The following ZDHHC3 variants were observed in gnomAD, a reference collection of about 807,000 sequenced individuals.
ZDHHC3 encodes palmitoyltransferase ZDHHC3.
A neutral mutation model predicts 30.6 loss-of-function variants in ZDHHC3; 9 were observed. The ratio of observed to expected loss-of-function variants is 0.29; its 90% CI spans 0.18 to 0.51. The LOEUF (loss-of-function observed/expected upper bound fraction) is 0.51. Among genes scored for constraint, ZDHHC3 ranks in the 20% least tolerant of loss-of-function variants. ZDHHC3 has a pLI of 0.97. For missense variants in ZDHHC3, 246 were observed against 384.2 expected (o/e 0.64, Z 3.01); for synonymous variants, 136 against 140.2 (o/e 0.97, Z 0.21).
intron 2 of ZDHHC3, among the ~76,000 whole-genome samples, chr3:44,956,284 C>T (rs963055881): frequency 1.3e-5 from 2 of 152,210 alleles, no homozygotes; most frequent in African/African-American, 2.4e-5. Context: ...AACCCTGATC[C>T]TCCATCAGCT....
chr3:44,974,119 G>A (rs1202730601), intron 1 of ZDHHC3, among the ~76,000 whole-genome samples: 2 of 152,172 alleles, frequency 1.3e-5, no homozygotes, highest in African/African-American at 4.8e-5. Flanking sequence ...GACTGTCATT[G>A]TTTTAGTAGA....
intron 2 of ZDHHC3, among the ~76,000 whole-genome samples, chr3:44,957,760 A>G (rs972527141): frequency 6.6e-6 from 1 of 152,186 alleles, no homozygotes; most frequent in Non-Finnish European, 1.5e-5. Flanking sequence ...GTTCTCCCAC[A>G]GCAATCCACA....
In ZDHHC3 at chr3:44,921,270, C is replaced by A. The variant is rs928735892; in HGVS notation, c.*5419G>T. 1.0e-6 allele frequency: 1 copy of A among 985,286 alleles called. No individual in the cohort carries two copies. The highest frequency in any genetic ancestry group is 1.2e-6 in the Non-Finnish European group (1 of 829,938). 61.0% of individuals were successfully genotyped at this position (985,286 alleles called of 1,614,324 possible). ...GCAGAACAGACTCAGCTGAGCCCCA[C>A]AGAACGAGAACAGGCTGTTCCCTGC... On this transcript the variant is annotated 3_prime_UTR_variant, in exon 7 of 7. Coordinates refer to ENST00000424952, the MANE Select transcript of ZDHHC3 (RefSeq NM_001135179.2).
intron 2 of ZDHHC3, among the ~76,000 whole-genome samples, chr3:44,955,429 T>A (rs1312207189): frequency 6.7e-6 from 1 of 149,300 alleles, no homozygotes; most frequent in Non-Finnish European, 1.5e-5. Context: ...AGTGGTAAAG[T>A]AACTGCTTGA....
chr3:44,915,324 G>A lies in ZDHHC3; in HGVS notation c.*11365C>T, dbSNP rs986374044. 4 of 152,220 alleles carry A rather than the reference G, an allele frequency of 2.6e-5. No homozygotes were observed. The highest frequency in any genetic ancestry group is 6.5e-5 in the Admixed American group (1 of 15,278). 9.4% of individuals were successfully genotyped at this position (152,220 alleles called of 1,614,324 possible). On this transcript the variant is annotated 3_prime_UTR_variant, in exon 7 of 7. Coordinates refer to ENST00000424952, the MANE Select transcript of ZDHHC3 (RefSeq NM_001135179.2). ...CAAATTGCACCCAATCTCTCTCCCT[G>A]TAAGATCTCATCTGGTTTTGACATC...
At chr3:44,948,973 C>G (rs560949898) in intron 2 of ZDHHC3, among the ~76,000 whole-genome samples, 8 of 152,352 alleles carry the variant, frequency 5.3e-5, no homozygotes, top group African/African-American at 1.9e-4. Flanking sequence ...ATGAGAAAGT[C>G]TGAAGGAACA....
At chr3:44,958,976 G>T in intron 2 of ZDHHC3, 155 bp downstream of exon 2, 1 of 939,426 alleles carries the variant, frequency 1.1e-6, no homozygotes, top group Non-Finnish European at 1.6e-6. Context: ...GAATTCCACA[G>T]AACTCTGAAC....
In ZDHHC3 at chr3:44,959,500, C is replaced by T; in HGVS notation, c.-24-40G>A. 3 of 1,555,596 alleles carry T rather than the reference C, an allele frequency of 1.9e-6. No homozygotes were observed. Among genetic ancestry groups the T allele is most frequent in the Non-Finnish European group, 2.6e-6 (3 of 1,147,024 alleles). ...AAAGAATCCAGAAACTTGGTGTTGTCTTGTCATCAAGGAGGTTTGACAAAA... is the reference window on the plus strand; with the variant it reads ...AAAGAATCCAGAAACTTGGTGTTGTTTTGTCATCAAGGAGGTTTGACAAAA... On this transcript the variant is annotated intron_variant, in intron 1 of 6. Coordinates refer to ENST00000424952, the MANE Select transcript of ZDHHC3 (RefSeq NM_001135179.2). This position sits in a 1 kb window ranked among gnomAD's most constrained non-coding sequence, Gnocchi z 4.3.
rs759979790 is a variant in ZDHHC3, at chr3:44,919,277, T to C, written c.*7412A>G. The C allele has an allele frequency of 8.0e-5, 18 of 226,310 alleles. No homozygotes were observed. Among genetic ancestry groups the C allele is most frequent in the Non-Finnish European group, 1.3e-4 (18 of 136,454 alleles). The allele number at this position is 226,310 out of a possible 1,614,324, so 14.0% of individuals were successfully genotyped here. ...CGTATCAACACCATATGCCTCCTGA[T>C]ACGGTGCAACGAGGACACATTGCTT... On this transcript the variant is annotated 3_prime_UTR_variant, in exon 7 of 7. Coordinates refer to ENST00000424952, the MANE Select transcript of ZDHHC3 (RefSeq NM_001135179.2).
chr3:44,941,494 T>C (rs1161584826), intron 3 of ZDHHC3, among the ~76,000 whole-genome samples: 3 of 152,182 alleles, frequency 2.0e-5, no homozygotes, highest in African/African-American at 7.2e-5. Flanking sequence ...TAGTGCTACA[T>C]AGATTTTCTC....
chr3:44,931,434 C>T (rs1701475907), intron 5 of ZDHHC3, among the ~76,000 whole-genome samples: 1 of 152,180 alleles, frequency 6.6e-6, no homozygotes, highest in Admixed American at 6.5e-5. Context: ...GGAATCAGAT[C>T]AGGGAGTGTG....
chr3:44,969,129 T>C (rs1243693407), intron 1 of ZDHHC3, among the ~76,000 whole-genome samples: 2 of 152,186 alleles, frequency 1.3e-5, no homozygotes, highest in African/African-American at 4.8e-5. Context: ...ACGGTGATAC[T>C]CTCATAGTTT....
At position 44,921,467 on chromosome 3, in the gene ZDHHC3, CA is replaced by C; in HGVS notation, c.*5221del. The C allele has an allele frequency of 1.0e-6, 1 of 985,438 alleles. No individual in the cohort carries two copies. The highest frequency in any genetic ancestry group is 1.2e-6 in the Non-Finnish European group (1 of 829,940). The allele number at this position is 985,438 out of a possible 1,614,324, so 61.0% of individuals were successfully genotyped here. A position where few individuals can be genotyped will look rare whatever the true frequency, so the allele number is the denominator to read the frequency against. On this transcript the variant is annotated 3_prime_UTR_variant, in exon 7 of 7. Coordinates refer to ENST00000424952, the MANE Select transcript of ZDHHC3 (RefSeq NM_001135179.2). ...TGTTGCATTCCAGAACACATATACA[CA>C]CAACTCCCTAAGCTTCATAAAACAA...
At chr3:44,932,931 G>C (rs770749146) in intron 5 of ZDHHC3, 187 bp downstream of exon 5, 3 of 1,614,162 alleles carry the variant, frequency 1.9e-6, no homozygotes, top group Non-Finnish European at 2.5e-6. Flanking sequence ...TTAAGGGGCT[G>C]CATTTTTTCA....
chr3:44,960,746 A>G (rs1704403657), intron 1 of ZDHHC3, among the ~76,000 whole-genome samples: 1 of 152,188 alleles, frequency 6.6e-6, no homozygotes, highest in Admixed American at 6.5e-5. Context: ...TCAACTACAC[A>G]GCAGAAGAAA....
rs1444608614 is a variant in ZDHHC3 at position 44,922,728 on chromosome 3, G to GC, written c.*3960dup. 2 of 984,540 alleles carry GC rather than the reference G, an allele frequency of 2.0e-6. No homozygotes were observed. Among genetic ancestry groups the GC allele is most frequent in the Non-Finnish European group, 2.4e-6 (2 of 829,298 alleles). 61.0% of individuals were successfully genotyped at this position (984,540 alleles called of 1,614,324 possible). On this transcript the variant is annotated 3_prime_UTR_variant, in exon 7 of 7. Coordinates refer to ENST00000424952, the MANE Select transcript of ZDHHC3 (RefSeq NM_001135179.2). ...GGGCTGTTAAGACACGGGCTGCTGGGCCCCGCTCGGTTTCTGGTTCGGTAG... is the reference window on the plus strand; with the variant it reads ...GGGCTGTTAAGACACGGGCTGCTGGGCCCCCGCTCGGTTTCTGGTTCGGTAG...
At chr3:44,946,101 T>C (rs1427523143) in intron 2 of ZDHHC3, among the ~76,000 whole-genome samples, 2 of 152,224 alleles carry the variant, frequency 1.3e-5, no homozygotes, top group Non-Finnish European at 2.9e-5. Flanking sequence ...CACATTTTAA[T>C]GGGTTGTTTG....
At chr3:44,942,368 G>C (rs1383710123) in intron 3 of ZDHHC3, among the ~76,000 whole-genome samples, 4 of 152,228 alleles carry the variant, frequency 2.6e-5, no homozygotes, top group Admixed American at 2.6e-4. Context: ...GCATTTCTGA[G>C]GCAGGAACAG....
Position 44,924,923 on chromosome 3 carries a change from G to A in ZDHHC3, c.*1766C>T. ...AGGTAAAGTTAACTGACTCAGGAAA[G>A]CTCTTAGGAGAGCCCATCAGCACAA... On this transcript the variant is annotated 3_prime_UTR_variant, in exon 7 of 7. Transcript: ENST00000424952. 2 of 985,534 alleles carry A rather than the reference G, an allele frequency of 2.0e-6. No homozygotes were observed. Among genetic ancestry groups the A allele is most frequent in the Non-Finnish European group, 2.4e-6 (2 of 829,934 alleles). The allele number at this position is 985,534 out of a possible 1,614,324, so 61.0% of individuals were successfully genotyped here.
Sources: gnomAD v4.1 joint callset for allele counts (sites outside exome capture counted in the v4.1 genomes callset) on GRCh38, gnomAD v4.1.1 for gene constraint, Gnocchi (gnomAD v3.1) non-coding constraint, MANE v1.5 for transcripts, NCBI Gene and HGNC (gene_info 2026-07-23, HGNC 2026-07-21) for gene names.